Variants in SPDEF observed in about 807,000 individuals in gnomAD.
SPDEF encodes SAM pointed domain-containing Ets transcription factor.
A neutral mutation model predicts 36.0 loss-of-function variants in SPDEF; 12 were observed. The ratio of observed to expected loss-of-function variants is 0.33; its 90% CI spans 0.21 to 0.54. The LOEUF (loss-of-function observed/expected upper bound fraction) is 0.54, where lower values mean the gene tolerates loss of function less well. Ranked by LOEUF, SPDEF falls within the 20% of genes least tolerant of loss-of-function variation. The pLI is 0.93. For missense variants in SPDEF, 388 were observed against 456.9 expected (o/e 0.85, Z 1.37); for synonymous variants, 205 against 193.0 (o/e 1.06, Z -0.51).
chr6:34,543,514 TTTG>T (rs1465622964), intron 2 of SPDEF, among the ~76,000 whole-genome samples: 2 of 152,218 alleles, frequency 1.3e-5, no homozygotes, highest in Non-Finnish European at 2.9e-5. Flanking sequence ...CATTTTTTTG[TTTG>T]TTTTCTTTAC....
At position 34,552,154 on chromosome 6, in the gene SPDEF, G is replaced by T. The variant is rs918820183; in HGVS notation, c.-30+3775C>A. 5.3e-5 allele frequency among the ~76,000 whole-genome samples: 8 copies of T among 151,810 alleles called. No homozygotes were observed. The highest frequency in any genetic ancestry group is 1.7e-4 in the African/African-American group (7 of 41,304). The stretch of plus-strand genomic sequence containing the variant: ...ACAGTCTCGTCCTCACCCCCAAATC[G>T]CCGGTACACTCCTTGAAGGGCCGGC... On this transcript the variant is annotated intron_variant, in intron 1 of 5. Coordinates refer to ENST00000374037, the MANE Select transcript of SPDEF (RefSeq NM_012391.3). The surrounding 1 kb of genome is among the most constrained non-coding windows in gnomAD (Gnocchi z 4.6).
At chr6:34,551,026 T>C (rs1768049628) in intron 1 of SPDEF, among the ~76,000 whole-genome samples, 1 of 152,176 alleles carries the variant, frequency 6.6e-6, no homozygotes, top group Non-Finnish European at 1.5e-5. Context: ...CCCTCCCAGC[T>C]GGGGCAGCCA....
rs147297553 is a variant in SPDEF, at chr6:34,550,582, T to G, written c.-30+5347A>C. On this transcript the variant is annotated intron_variant, in intron 1 of 5. Transcript: ENST00000374037. The stretch of plus-strand genomic sequence containing the variant: ...AGACGAGGTGGGTTTCTTCTAGATC[T>G]CCGGGCTTTCCCCACCTCCTCTGGG... Among the ~76,000 whole-genome samples the G allele has an allele frequency of 1.3e-3, 204 of 152,176 alleles. 1 individual carries two copies. Among genetic ancestry groups the G allele is most frequent in the African/African-American group, 4.5e-3 (188 of 41,516 alleles).
chr6:34,548,812 G>A (rs1056697337), intron 1 of SPDEF, among the ~76,000 whole-genome samples: 3 of 151,584 alleles, frequency 2.0e-5, no homozygotes, highest in Admixed American at 6.6e-5. Flanking sequence ...TCCCTCCTGC[G>A]ACTTCCTAGG....
rs1016911576 is a variant in SPDEF at position 34,539,754 on chromosome 6, G to T, written c.635-192C>A. Among the ~76,000 whole-genome samples the T allele has an allele frequency of 2.6e-5, 4 of 152,226 alleles. No individual in the cohort carries two copies. The highest frequency in any genetic ancestry group is 9.6e-5 in the African/African-American group (4 of 41,460). On this transcript the variant is annotated intron_variant, in intron 3 of 5. Coordinates refer to ENST00000374037, the MANE Select transcript of SPDEF (RefSeq NM_012391.3). This position sits in a 1 kb window ranked among gnomAD's most constrained non-coding sequence, Gnocchi z 5.2. ...AGCTGCTTCCTGGAAGAAAATTCAG[G>T]ATTTCAGAGCTGGGAGGGGCCGTAA...
intron 1 of SPDEF, among the ~76,000 whole-genome samples, chr6:34,545,781 G>A (rs971241914): frequency 1.3e-5 from 2 of 152,070 alleles, no homozygotes; most frequent in African/African-American, 4.8e-5. Context: ...AAGGTGGTGG[G>A]TGCCTGATTC....
At chr6:34,554,166 CCT>C (rs549441259) in intron 1 of SPDEF, among the ~76,000 whole-genome samples, 123 of 152,264 alleles carry the variant, frequency 8.1e-4, no homozygotes, top group African/African-American at 2.8e-3. Flanking sequence ...TCTGTGTCCC[CCT>C]GTCAGACTAA....
In SPDEF at chr6:34,544,760, T is replaced by C. The variant is rs1261760079; in HGVS notation, c.-29-276A>G. Among the ~76,000 whole-genome samples the C allele has an allele frequency of 4.2e-4, 64 of 152,194 alleles. No individual in the cohort carries two copies. The highest frequency in any genetic ancestry group is 1.0e-4 in the Non-Finnish European group (7 of 68,036). ...GCTGGGAGCAGCAAAGCTCCACACA[T>C]GTACTGTGCTTAAAACAGCCTTCTG... On this transcript the variant is annotated intron_variant, in intron 1 of 5. Coordinates refer to ENST00000374037, the MANE Select transcript of SPDEF (RefSeq NM_012391.3). This position sits in a 1 kb window ranked among gnomAD's most constrained non-coding sequence, Gnocchi z 4.4.
At chr6:34,542,206 G>C (rs1371340301) in intron 2 of SPDEF, among the ~76,000 whole-genome samples, 2 of 152,214 alleles carry the variant, frequency 1.3e-5, no homozygotes, top group African/African-American at 4.8e-5. Context: ...GGCCGGGCCT[G>C]AGGGATGCAT....
At position 34,544,416 on chromosome 6, in the gene SPDEF, TG is replaced by T; in HGVS notation, c.39del (p.Ser14AlafsTer99). 2.5e-6 allele frequency: 4 copies of T among 1,585,976 alleles called. No individual in the cohort carries two copies. The highest frequency in any genetic ancestry group is 1.1e-5 in the South Asian group (1 of 89,048). Reference sequence around the variant, plus strand: ...GTGTCGGGGGGCAGCAGGAGGTGGCTGGGGGATACGCTGCTCAGACCCGGGC... The same window carrying T: ...GTGTCGGGGGGCAGCAGGAGGTGGCTGGGGATACGCTGCTCAGACCCGGGC... ...SASPGLSSVS[P>X]SHLLLPPDTV... On this transcript the variant is annotated frameshift_variant, in exon 2 of 6. Transcript: ENST00000374037. LOFTEE classifies it high-confidence loss of function. The surrounding 1 kb of genome is among the most constrained non-coding windows in gnomAD (Gnocchi z 4.4).
At chr6:34,553,128 A>G (rs1230810329) in intron 1 of SPDEF, among the ~76,000 whole-genome samples, 2 of 152,110 alleles carry the variant, frequency 1.3e-5, no homozygotes, top group African/African-American at 2.4e-5. Context: ...GACCCCCAGC[A>G]GAGTCACACT....
chr6:34,540,511 C>T (rs570516918), intron 3 of SPDEF, among the ~76,000 whole-genome samples: 3 of 151,896 alleles, frequency 2.0e-5, no homozygotes, highest in African/African-American at 7.2e-5. Context: ...ACAGTGGTTC[C>T]CTCTAGGGAG....
In SPDEF at chr6:34,539,602, C is replaced by A; in HGVS notation, c.635-40G>T. 5.2e-6 allele frequency: 8 copies of A among 1,552,134 alleles called. No homozygotes were observed. Among genetic ancestry groups the A allele is most frequent in the Non-Finnish European group, 7.0e-6 (8 of 1,148,542 alleles). ...GAGGGGGTTGGGGACCCAGGAGAGG[C>A]CCCGAGGGTGGAGGAGGGGAGGCGT... On this transcript the variant is annotated intron_variant, in intron 3 of 5. Coordinates refer to ENST00000374037, the MANE Select transcript of SPDEF (RefSeq NM_012391.3). This position sits in a 1 kb window ranked among gnomAD's most constrained non-coding sequence, Gnocchi z 5.2.
intron 1 of SPDEF, among the ~76,000 whole-genome samples, chr6:34,546,949 C>T (rs1767964343): frequency 6.6e-6 from 1 of 152,110 alleles, no homozygotes; most frequent in Non-Finnish European, 1.5e-5. Flanking sequence ...CCCACCCTGC[C>T]TGGTGCCCAT....
intron 2 of SPDEF, among the ~76,000 whole-genome samples, chr6:34,542,749 G>C (rs1363120409): frequency 1.3e-5 from 2 of 152,130 alleles, no homozygotes; most frequent in East Asian, 3.9e-4. Flanking sequence ...AATTAGCAGG[G>C]TGTGGTGGCA....
intron 1 of SPDEF, among the ~76,000 whole-genome samples, chr6:34,551,815 C>T (rs185592663): frequency 2.0e-4 from 30 of 152,262 alleles, no homozygotes; most frequent in African/African-American, 7.0e-4. Flanking sequence ...CAGTGCCTCC[C>T]CGCCTCCTCC....
rs555513983 is a variant in SPDEF at position 34,542,315 on chromosome 6, G to C, written c.437-1134C>G. Among the ~76,000 whole-genome samples the C allele has an allele frequency of 1.8e-4, 27 of 152,334 alleles. No individual in the cohort carries two copies. The South Asian group carries it at 4.8e-3, about 27-fold the overall frequency. On this transcript the variant is annotated intron_variant, in intron 2 of 5. Transcript: ENST00000374037. ...TGGGTCAGGACTGCCTGAAGCTGGA[G>C]AGGCGACAGCAGGACAGAGGACTAG...
intron 3 of SPDEF, among the ~76,000 whole-genome samples, chr6:34,540,631 A>C (rs1767798175): frequency 6.6e-6 from 1 of 152,152 alleles, no homozygotes; most frequent in Non-Finnish European, 1.5e-5. Flanking sequence ...TTTAATAAAA[A>C]AAAACAAAGA....
chr6:34,553,455 A>C (rs1561982415), intron 1 of SPDEF, among the ~76,000 whole-genome samples: 1 of 151,998 alleles, frequency 6.6e-6, no homozygotes, highest in Non-Finnish European at 1.5e-5. Context: ...GTCCCAGAAA[A>C]GGTTTGATCC....
Sources: allele counts gnomAD v4.1 joint callset (sites outside exome capture counted in the v4.1 genomes callset), GRCh38; gene constraint gnomAD v4.1.1; non-coding constraint Gnocchi (gnomAD v3.1); transcripts MANE v1.5; gene names NCBI Gene and HGNC (gene_info 2026-07-23, HGNC 2026-07-21).